IQUB: variants seen among roughly 807,000 people sequenced by gnomAD.
The protein encoded by IQUB is IQ motif and ubiquitin domain containing.
Under a neutral mutation model 86.4 loss-of-function variants are expected in IQUB, and 86 were observed. That is an observed-to-expected ratio of 1.00 (90% CI 0.84 to 1.19). The LOEUF is 1.19. IQUB is among the 50% of genes most tolerant of loss of function. The pLI is 0.00. For missense variants in IQUB, 946 were observed against 916.9 expected, an observed-to-expected ratio of 1.03 and a Z score of -0.41; for synonymous variants, 289 against 304.5, an observed-to-expected ratio of 0.95 and a Z score of 0.53.
intron 1 of IQUB, among the ~76,000 whole-genome samples, chr7:123,524,567 C>T (rs1797088838): frequency 6.8e-6 from 1 of 147,324 alleles, no homozygotes; most frequent in Non-Finnish European, 1.5e-5. Context: ...TGAGACTTTG[C>T]TGAAATTGCT....
intron 1 of IQUB, among the ~76,000 whole-genome samples, chr7:123,533,787 G>A (rs1797645799): frequency 6.6e-6 from 1 of 152,122 alleles, no homozygotes; most frequent in South Asian, 2.1e-4. Context: ...GGGAGAAATG[G>A]GTAGATGGAG....
intron 1 of IQUB, among the ~76,000 whole-genome samples, chr7:123,525,480 T>C (rs1192030608): frequency 6.6e-6 from 1 of 152,198 alleles, no homozygotes; most frequent in Non-Finnish European, 1.5e-5. Context: ...TTTTCTAGTT[T>C]ATTTGCGTAG....
chr7:123,468,383 T>C (rs1794356233), intron 9 of IQUB, among the ~76,000 whole-genome samples: 2 of 152,224 alleles, frequency 1.3e-5, no homozygotes, highest in Non-Finnish European at 2.9e-5. Context: ...TCCTGAAACC[T>C]ACAACATGAA....
intron 7 of IQUB, among the ~76,000 whole-genome samples, chr7:123,496,316 A>T (rs543838262): frequency 6.6e-6 from 1 of 152,260 alleles, no homozygotes; most frequent in African/African-American, 2.4e-5. Flanking sequence ...GCAAAATCAG[A>T]CAGGATGCTG....
At chr7:123,476,963 C>T (rs963324912) in intron 8 of IQUB, among the ~76,000 whole-genome samples, 1 of 152,090 alleles carries the variant, frequency 6.6e-6, no homozygotes. Flanking sequence ...GAAGAACATG[C>T]CATGCTCATG....
intron 3 of IQUB, among the ~76,000 whole-genome samples, chr7:123,504,077 T>C (rs1217354791): frequency 6.6e-6 from 1 of 152,188 alleles, no homozygotes; most frequent in East Asian, 1.9e-4. Flanking sequence ...ATAATTATTT[T>C]AATAGCCATC....
intron 6 of IQUB, 26 bp downstream of exon 6, chr7:123,502,571 T>C: frequency 6.3e-7 from 1 of 1,596,762 alleles, no homozygotes; most frequent in African/African-American, 1.3e-5. Flanking sequence ...ATTTTTAGTA[T>C]TCATCCACAA....
At chr7:123,530,079 G>A (rs1221733094) in intron 1 of IQUB, among the ~76,000 whole-genome samples, 2 of 151,948 alleles carry the variant, frequency 1.3e-5, no homozygotes, top group African/African-American at 4.8e-5. Context: ...AGTGGTGGCA[G>A]GAGCCTGCAA....
chr7:123,526,506 G>A (rs1286231874), intron 1 of IQUB, among the ~76,000 whole-genome samples: 8 of 152,114 alleles, frequency 5.3e-5, no homozygotes, highest in African/African-American at 1.4e-4. Context: ...TTTTATCAGA[G>A]ACTAGGATTG....
intron 1 of IQUB, among the ~76,000 whole-genome samples, chr7:123,532,125 G>C (rs2117406404): frequency 6.6e-6 from 1 of 152,292 alleles, no homozygotes; most frequent in South Asian, 2.1e-4. Context: ...AGCAGAGGCA[G>C]GATTTGAACC....
intron 7 of IQUB, among the ~76,000 whole-genome samples, chr7:123,488,277 C>T (rs546653002): frequency 6.7e-6 from 1 of 149,576 alleles, no homozygotes; most frequent in Admixed American, 6.7e-5. Flanking sequence ...GGAGGCGGAG[C>T]TTCCAGTGAG....
At position 123,509,907 on chromosome 7, in the gene IQUB, A is replaced by G. The variant is rs1429619022; in HGVS notation, c.526T>C (p.Tyr176His). 6 of 1,601,580 alleles carry G rather than the reference A, an allele frequency of 3.7e-6. No homozygotes were observed. The highest frequency in any genetic ancestry group is 5.1e-6 in the Non-Finnish European group (6 of 1,176,414). The change falls in exon 3 of 13, where the codon TAC (tyrosine) becomes CAC (histidine). Residue 176 changes from tyrosine to histidine, a missense_variant. Coordinates refer to ENST00000324698, the MANE Select transcript of IQUB (RefSeq NM_178827.5). ...GIPHSVLQIR[Y>H]SGKILKNNET... ...TATTAGCCTCCAAACTTACCTGAGT[A>G]TCTTATCTGCAGTACAGAATGTGGG...
rs1796887976 is a variant in IQUB, at chr7:123,521,271, T to C, written c.-4-8927A>G. ...ATTTCCTAGTTGCTATGGTTTCTAA[T>C]GCTTATATTTATTTCACCCTAATTT... On this transcript the variant is annotated intron_variant, in intron 1 of 12. Transcript: ENST00000324698. Among the ~76,000 whole-genome samples the C allele has an allele frequency of 2.0e-5, 3 of 152,144 alleles. 1 individual carries two copies. The South Asian group carries it at 6.2e-4, about 31-fold the overall frequency.
chr7:123,513,731 C>T (rs1264016918), intron 1 of IQUB, among the ~76,000 whole-genome samples: 1 of 152,198 alleles, frequency 6.6e-6, no homozygotes, highest in Non-Finnish European at 1.5e-5. Flanking sequence ...TCACTGCAAA[C>T]TCCACCTCCC....
intron 1 of IQUB, among the ~76,000 whole-genome samples, chr7:123,527,902 C>A (rs557440268): frequency 6.6e-6 from 1 of 152,224 alleles, no homozygotes; most frequent in African/African-American, 2.4e-5. Context: ...TGGCGGGCGC[C>A]CCTCCCCCAG....
intron 1 of IQUB, among the ~76,000 whole-genome samples, chr7:123,526,629 T>C (rs1356529532): frequency 2.0e-5 from 3 of 151,384 alleles, no homozygotes; most frequent in Non-Finnish European, 4.4e-5. Context: ...TACAGCACAC[T>C]GATGGGTCTT....
intron 12 of IQUB, among the ~76,000 whole-genome samples, chr7:123,455,775 A>G (rs566949219): frequency 1.3e-5 from 2 of 152,178 alleles, no homozygotes; most frequent in Admixed American, 6.5e-5. Flanking sequence ...GAAGGTTTTA[A>G]TGTAAAGTTG....
Position 123,469,398 on chromosome 7 carries a change from T to A in IQUB, c.1411-14A>T. 6.7e-7 allele frequency: 1 copy of A among 1,484,146 alleles called. No individual in the cohort carries two copies. The highest frequency in any genetic ancestry group is 9.1e-7 in the Non-Finnish European group (1 of 1,098,880). 91.9% of individuals were successfully genotyped at this position (1,484,146 alleles called of 1,614,324 possible). Reference sequence around the variant, plus strand: ...TGGAGCTGAACACTTAAAAATAATATTATGTTTATAATTATCAGTTAATTA... The same window carrying A: ...TGGAGCTGAACACTTAAAAATAATAATATGTTTATAATTATCAGTTAATTA... On this transcript the variant is annotated splice_polypyrimidine_tract_variant and intron_variant, in intron 8 of 12. Transcript: ENST00000324698.
rs542846813 is a variant in IQUB, at chr7:123,494,151, A to C, written c.1234+2545T>G. On this transcript the variant is annotated intron_variant, in intron 7 of 12. Transcript: ENST00000324698. The stretch of plus-strand genomic sequence containing the variant: ...CAAGTAATGGCCCTAGTGACAATTC[A>C]GAACGATAAAAGAGATCACCCTCAA... Among the ~76,000 whole-genome samples the C allele has an allele frequency of 6.6e-5, 10 of 152,310 alleles. No individual in the cohort carries two copies. In the South Asian group the frequency reaches 1.9e-3, roughly 28 times the overall value.
Sources: allele counts gnomAD v4.1 joint callset (sites outside exome capture counted in the v4.1 genomes callset), GRCh38; gene constraint gnomAD v4.1.1; transcripts MANE v1.5; gene names NCBI Gene and HGNC (gene_info 2026-07-23, HGNC 2026-07-21).